Variants in UBE3A observed in about 807,000 individuals in gnomAD.
UBE3A encodes ubiquitin-protein ligase E3A.
In UBE3A, 6 loss-of-function variants were observed where a neutral mutation model predicts 83.4. That is an observed-to-expected ratio of 0.07 (90% CI 0.04 to 0.14). UBE3A has a LOEUF of 0.14. Ranked by LOEUF, UBE3A falls within the 10% of genes least tolerant of loss-of-function variation. The pLI, the probability that UBE3A is intolerant of heterozygous loss-of-function variation, is 1.00. For synonymous variants in UBE3A, 337 were observed against 355.4 expected, an observed-to-expected ratio of 0.95 and a Z score of 0.58; for missense variants, 456 against 1,036.1, an observed-to-expected ratio of 0.44 and a Z score of 7.69.
intron 1 of UBE3A, among the ~76,000 whole-genome samples, chr15:25,435,993 C>T (rs142216821): frequency 1.5e-3 from 235 of 152,346 alleles, no homozygotes; most frequent in African/African-American, 5.4e-3. Context: ...AGCCTCACAA[C>T]TCTGGGGAAG....
At chr15:25,420,387 A>G (rs1267895954) in intron 1 of UBE3A, among the ~76,000 whole-genome samples, 1 of 152,182 alleles carries the variant, frequency 6.6e-6, no homozygotes, top group Non-Finnish European at 1.5e-5. Context: ...ACAGAGCAGA[A>G]GGAAGATAAA....
At chr15:25,430,913 A>T (rs1893266638) in intron 1 of UBE3A, among the ~76,000 whole-genome samples, 1 of 152,192 alleles carries the variant, frequency 6.6e-6, no homozygotes, top group African/African-American at 2.4e-5. Flanking sequence ...GGTGGGAAGG[A>T]CTTATCCCAT....
At chr15:25,410,558 T>A (rs2089773828) in intron 2 of UBE3A, among the ~76,000 whole-genome samples, 1 of 152,200 alleles carries the variant, frequency 6.6e-6, no homozygotes, top group Non-Finnish European at 1.5e-5. Flanking sequence ...TAGTCAAGCG[T>A]AAAAGGTGGT....
chr15:25,368,797 T>A (rs1221898163), intron 6 of UBE3A, among the ~76,000 whole-genome samples: 2 of 152,086 alleles, frequency 1.3e-5, no homozygotes, highest in African/African-American at 4.8e-5. Context: ...TACTTAAACT[T>A]TTGTTTTTAG....
At chr15:25,363,184 T>G (rs1273601666) in intron 6 of UBE3A, among the ~76,000 whole-genome samples, 1 of 152,200 alleles carries the variant, frequency 6.6e-6, no homozygotes, top group Non-Finnish European at 1.5e-5. Flanking sequence ...GCCAAAAGAA[T>G]GTAATGCAAT....
intron 4 of UBE3A, among the ~76,000 whole-genome samples, chr15:25,388,157 CAGAAA>C (rs1191243469): frequency 6.6e-6 from 1 of 152,054 alleles, no homozygotes; most frequent in Non-Finnish European, 1.5e-5. Flanking sequence ...AAGACATTAT[CAGAAA>C]AGAAAACTAC....
chr15:25,384,334 G>A (rs1481714941), intron 4 of UBE3A, among the ~76,000 whole-genome samples: 13 of 151,648 alleles, frequency 8.6e-5, no homozygotes, highest in East Asian at 3.9e-4. Flanking sequence ...GGTGGCGCGC[G>A]CCTGTAATCC....
chr15:25,386,359 A>G (rs542234948), intron 4 of UBE3A, among the ~76,000 whole-genome samples: 88 of 152,358 alleles, frequency 5.8e-4, no homozygotes, highest in Middle Eastern at 3.4e-3. Flanking sequence ...GTAAAAAACA[A>G]GCACCAGGAC....
In UBE3A at chr15:25,392,791, G is replaced by C. The variant is rs563499208; in HGVS notation, c.62+12670C>G. ...TATAAGACAATTCCAAGCACTTCAA[G>C]AGCCTAAAGTTCAAGAAAAGTTTCA... On this transcript the variant is annotated intron_variant, in intron 4 of 12. Coordinates refer to ENST00000648336, the MANE Select transcript of UBE3A (RefSeq NM_130839.5). Among the ~76,000 whole-genome samples the C allele has an allele frequency of 3.3e-5, 5 of 152,248 alleles. No homozygotes were observed. In the East Asian group the frequency reaches 5.8e-4, roughly 18 times the overall value.
At chr15:25,368,208 A>C (rs1448301627) in intron 6 of UBE3A, among the ~76,000 whole-genome samples, 12 of 152,166 alleles carry the variant, frequency 7.9e-5, no homozygotes, top group Non-Finnish European at 1.5e-4. Context: ...ATGAGAGAAT[A>C]ATCTTAAACC....
intron 3 of UBE3A, chr15:25,406,939 C>T: frequency 2.7e-6 from 1 of 376,418 alleles, no homozygotes. Context: ...TTCAATTTTG[C>T]ACAAAATTAC....
chr15:25,382,007 G>C (rs1285104060), intron 4 of UBE3A, among the ~76,000 whole-genome samples: 1 of 152,192 alleles, frequency 6.6e-6, no homozygotes, highest in Non-Finnish European at 1.5e-5. Context: ...TTGAAATATA[G>C]GTTAACCTTC....
chr15:25,435,698 T>G (rs1006433493), intron 1 of UBE3A, among the ~76,000 whole-genome samples: 4 of 152,140 alleles, frequency 2.6e-5, no homozygotes, highest in African/African-American at 9.7e-5. Flanking sequence ...CCCAGAACCG[T>G]GAGAAATAAA....
intron 6 of UBE3A, among the ~76,000 whole-genome samples, chr15:25,367,522 G>T (rs186805253): frequency 9.2e-5 from 14 of 152,038 alleles, no homozygotes; most frequent in African/African-American, 3.1e-4. Context: ...GGGTGGGGGT[G>T]TTCTTAAGCA....
At position 25,356,053 on chromosome 15, in the gene UBE3A, G is replaced by T. The variant is rs775778774; in HGVS notation, c.1963C>A (p.Leu655Ile). Residue 655 changes from leucine (L) to isoleucine (I), a missense_variant, in exon 9 of 13, where the codon CTA (leucine) becomes ATA (isoleucine). Leu to Ile is a conservative substitution (Grantham distance 5, BLOSUM62 2). Coordinates refer to ENST00000648336, the MANE Select transcript of UBE3A (RefSeq NM_130839.5). ...FRDLGDSHPV[L>I]YQSLKDLLEY... ...AATAAATCTTTTAAACTCTGATATA[G>T]AACCTAGCAACCAGAAATGGTAAAT... 2 of 1,613,510 alleles carry T rather than the reference G, an allele frequency of 1.2e-6. No homozygotes were observed. The highest frequency in any genetic ancestry group is 1.1e-5 in the South Asian group (1 of 91,060).
At chr15:25,363,806 G>C (rs936270862) in intron 6 of UBE3A, among the ~76,000 whole-genome samples, 2 of 151,940 alleles carry the variant, frequency 1.3e-5, no homozygotes, top group Non-Finnish European at 2.9e-5. Context: ...AAAAGTAGTT[G>C]GTAACTGAAT....
At chr15:25,391,163 A>T (rs2084276234) in intron 4 of UBE3A, among the ~76,000 whole-genome samples, 1 of 152,170 alleles carries the variant, frequency 6.6e-6, no homozygotes. Flanking sequence ...TATTCAGCCT[A>T]AAAGAAAAGA....
intron 6 of UBE3A, among the ~76,000 whole-genome samples, chr15:25,364,231 G>A (rs1218758406): frequency 6.6e-6 from 1 of 151,588 alleles, no homozygotes; most frequent in East Asian, 1.9e-4. Flanking sequence ...AAATAAAATA[G>A]TAAAAACAGA....
chr15:25,339,121 T>TTTG lies in UBE3A; in HGVS notation c.*13_*15dup. 1 of 1,506,696 alleles carries TTTG rather than the reference T, an allele frequency of 6.6e-7. No individual in the cohort carries two copies. The highest frequency in any genetic ancestry group is 8.9e-7 in the Non-Finnish European group (1 of 1,129,756). The allele number at this position is 1,506,696 out of a possible 1,614,324, so 93.3% of individuals were successfully genotyped here. A position where few individuals can be genotyped will look rare whatever the true frequency, so the allele number is the denominator to read the frequency against. On this transcript the variant is annotated 3_prime_UTR_variant, in exon 13 of 13. Transcript: ENST00000648336. ...TTTTCCTTCCTTTTTTTTGTTTTAT[T>TTTG]TTGTTTTGTTTTGTTTTACAGCATG...
Sources: gnomAD v4.1 joint callset for allele counts (sites outside exome capture counted in the v4.1 genomes callset) on GRCh38, gnomAD v4.1.1 for gene constraint, MANE v1.5 for transcripts, NCBI Gene and HGNC (gene_info 2026-07-23, HGNC 2026-07-21) for gene names.